Variants in CACNA2D3 observed in about 807,000 individuals in gnomAD.
The protein encoded by CACNA2D3 is calcium voltage-gated channel auxiliary subunit alpha2delta 3.
CACNA2D3 carries 60 observed loss-of-function variants against 160.6 expected under a neutral mutation model. That is an observed-to-expected ratio of 0.37 (90% confidence interval 0.30 to 0.46). The LOEUF (loss-of-function observed/expected upper bound fraction) is 0.46. Ranked by LOEUF, CACNA2D3 falls within the 20% of genes least tolerant of loss-of-function variation. CACNA2D3 has a pLI of 1.00. For missense variants in CACNA2D3, 1,205 were observed against 1,365.0 expected, an observed-to-expected ratio of 0.88 and a Z score of 1.85; for synonymous variants, 558 against 492.9, an observed-to-expected ratio of 1.13 and a Z score of -1.75.
chr3:54,643,174 A>G (rs1027029940), intron 11 of CACNA2D3, among the ~76,000 whole-genome samples: 1 of 152,204 alleles, frequency 6.6e-6, no homozygotes, highest in Non-Finnish European at 1.5e-5. Flanking sequence ...TTACTGCTTT[A>G]TCTGTTTTGC....
At chr3:54,937,538 C>A (rs557916102) in intron 27 of CACNA2D3, among the ~76,000 whole-genome samples, 1 of 152,078 alleles carries the variant, frequency 6.6e-6, no homozygotes, top group Admixed American at 6.5e-5. Flanking sequence ...AGTTCAAACT[C>A]GTGTTGTGCA....
intron 4 of CACNA2D3, among the ~76,000 whole-genome samples, chr3:54,431,327 CAAAAAAA>C (rs538169080): frequency 2.4e-5 from 2 of 85,050 alleles, no homozygotes; most frequent in South Asian, 3.6e-4. Flanking sequence ...GACTCCGTCT[CAAAAAAA>C]AAAAAAGAAA....
chr3:54,624,106 T>C (rs916956315), intron 9 of CACNA2D3, among the ~76,000 whole-genome samples: 2 of 152,128 alleles, frequency 1.3e-5, no homozygotes, highest in African/African-American at 2.4e-5. Flanking sequence ...AGTCCTTAAC[T>C]TGAGAAGATA....
At chr3:54,404,189 A>C (rs1400484448) in intron 4 of CACNA2D3, among the ~76,000 whole-genome samples, 3 of 152,182 alleles carry the variant, frequency 2.0e-5, no homozygotes, top group Non-Finnish European at 4.4e-5. Flanking sequence ...GGTAAAGAAA[A>C]CTACACGTCA....
In CACNA2D3 at chr3:54,968,438, A is replaced by C. The variant is rs745985815; in HGVS notation, c.2450-12A>C. On this transcript the variant is annotated splice_polypyrimidine_tract_variant and intron_variant, in intron 27 of 37. Coordinates refer to ENST00000474759, the MANE Select transcript of CACNA2D3 (RefSeq NM_018398.3). ...ATCACTAATGCCTTGTTTTATTTAT[A>C]ATTTGTCCCAGCTGTAGGCATTCAG... 1 of 1,591,288 alleles carries C rather than the reference A, an allele frequency of 6.3e-7. No homozygotes were observed. Among genetic ancestry groups the C allele is most frequent in the Non-Finnish European group, 8.6e-7 (1 of 1,163,022 alleles).
chr3:54,316,478 T>G (rs529423419), intron 2 of CACNA2D3, among the ~76,000 whole-genome samples: 1 of 152,348 alleles, frequency 6.6e-6, no homozygotes, highest in East Asian at 1.9e-4. Flanking sequence ...GAGTGCTTTT[T>G]GCTTATGAGA....
chr3:54,190,247 GCA>G (rs909950431), intron 2 of CACNA2D3, among the ~76,000 whole-genome samples: 1 of 152,198 alleles, frequency 6.6e-6, no homozygotes, highest in African/African-American at 2.4e-5. Flanking sequence ...AATTTCGGGG[GCA>G]CACACACATT....
intron 11 of CACNA2D3, among the ~76,000 whole-genome samples, chr3:54,685,487 C>T (rs1266284454): frequency 6.6e-6 from 1 of 152,192 alleles, no homozygotes; most frequent in Non-Finnish European, 1.5e-5. Flanking sequence ...GTGAATCAGT[C>T]AGTCAATCTG....
At chr3:54,151,375 G>A (rs191560434) in intron 2 of CACNA2D3, among the ~76,000 whole-genome samples, 1 of 151,460 alleles carries the variant, frequency 6.6e-6, no homozygotes, top group Admixed American at 6.6e-5. Flanking sequence ...GAGTGGACAG[G>A]TGGATGAGTA....
chr3:54,164,415 C>G (rs1437099681), intron 2 of CACNA2D3, among the ~76,000 whole-genome samples: 1 of 152,226 alleles, frequency 6.6e-6, no homozygotes, highest in Non-Finnish European at 1.5e-5. Flanking sequence ...ACTGAGCGAG[C>G]AGTCACAGCT....
chr3:54,743,807 A>G (rs1183568056), intron 11 of CACNA2D3, among the ~76,000 whole-genome samples: 1 of 152,216 alleles, frequency 6.6e-6, no homozygotes, highest in African/African-American at 2.4e-5. Flanking sequence ...CTTCTGAGCC[A>G]TAAAAATCCT....
chr3:54,819,943 A>G (rs929107770), intron 14 of CACNA2D3, among the ~76,000 whole-genome samples: 2 of 152,092 alleles, frequency 1.3e-5, no homozygotes, highest in African/African-American at 4.8e-5. Flanking sequence ...AACCCCAACA[A>G]AGCAAAAATT....
chr3:54,443,745 C>G (rs760215607), intron 4 of CACNA2D3, among the ~76,000 whole-genome samples: 5 of 152,162 alleles, frequency 3.3e-5, no homozygotes, highest in Non-Finnish European at 5.9e-5. Flanking sequence ...CTTGCCATGT[C>G]TTGTCTTGAA....
At chr3:54,460,761 C>T (rs1204663536) in intron 4 of CACNA2D3, among the ~76,000 whole-genome samples, 1 of 152,146 alleles carries the variant, frequency 6.6e-6, no homozygotes, top group African/African-American at 2.4e-5. Context: ...ATTGAATACC[C>T]TTTATTTCCT....
intron 34 of CACNA2D3, among the ~76,000 whole-genome samples, chr3:55,012,673 G>T (rs1429382467): frequency 6.6e-6 from 1 of 152,142 alleles, no homozygotes; most frequent in Non-Finnish European, 1.5e-5. Context: ...GGGGAGGAGG[G>T]TTCTTATTAG....
intron 9 of CACNA2D3, among the ~76,000 whole-genome samples, chr3:54,606,715 T>C (rs927069840): frequency 1.4e-4 from 22 of 152,138 alleles, no homozygotes; most frequent in African/African-American, 5.1e-4. Context: ...GCCCTGCAAA[T>C]GTAGCCCTGT....
chr3:54,668,328 C>A (rs1700103884), intron 11 of CACNA2D3, among the ~76,000 whole-genome samples: 1 of 152,186 alleles, frequency 6.6e-6, no homozygotes, highest in African/African-American at 2.4e-5. Context: ...TGTACAATAA[C>A]ATTTAATCAA....
chr3:54,832,011 T>TCATACACACACA (rs373556430), intron 14 of CACNA2D3, among the ~76,000 whole-genome samples: 5,837 of 118,822 alleles, frequency 0.049, 491 homozygotes, highest in Admixed American at 0.062. Flanking sequence ...CTCTTCTCTG[T>TCATACACACACA]CACACACACA....
In CACNA2D3 at chr3:54,563,651, C is replaced by T. The variant is rs73841657; in HGVS notation, c.676+720C>T. Among the ~76,000 whole-genome samples the T allele has an allele frequency of 7.8e-3, 1,189 of 152,222 alleles. 15 individuals are homozygous for T. The highest frequency in any genetic ancestry group is 0.027 in the African/African-American group (1,119 of 41,526). ...GCTTACAAGTTGTGAAAACAGGACT[C>T]GGGGCTGCAACTGTGCCAACATCAC... On this transcript the variant is annotated intron_variant, in intron 6 of 37. Coordinates refer to ENST00000474759, the MANE Select transcript of CACNA2D3 (RefSeq NM_018398.3).
Sources: gnomAD v4.1 joint callset for allele counts (sites outside exome capture counted in the v4.1 genomes callset) on GRCh38, gnomAD v4.1.1 for gene constraint, MANE v1.5 for transcripts, NCBI Gene and HGNC (gene_info 2026-07-23, HGNC 2026-07-21) for gene names.